Variants in ROBO2 observed in about 807,000 individuals in gnomAD.
ROBO2 encodes the protein roundabout guidance receptor 2.
A neutral mutation model predicts 160.8 loss-of-function variants in ROBO2; 53 were observed. The observed-to-expected ratio is 0.33, with a 90% CI of 0.26 to 0.41. The LOEUF (loss-of-function observed/expected upper bound fraction) is 0.41. ROBO2 is among the 10% of genes least tolerant of loss of function. ROBO2 has a pLI of 1.00. For missense variants in ROBO2, 1,577 were observed against 1,722.4 expected (o/e 0.92, Z 1.49); for synonymous variants, 664 against 611.7 (o/e 1.09, Z -1.26).
chr3:76,797,397 G>A (rs1402356285), intron 2 of ROBO2, among the ~76,000 whole-genome samples: 2 of 151,844 alleles, frequency 1.3e-5, no homozygotes, highest in Non-Finnish European at 2.9e-5. Flanking sequence ...CAAATGAAAT[G>A]GAAACACAAC....
intron 2 of ROBO2, among the ~76,000 whole-genome samples, chr3:76,143,658 C>A (rs1486652162): frequency 2.0e-5 from 3 of 151,996 alleles, no homozygotes; most frequent in Non-Finnish European, 4.4e-5. Context: ...TAAAACCACT[C>A]CCCAAATCTG....
In ROBO2 at chr3:76,890,449, C is replaced by T. The variant is rs145358623; in HGVS notation, c.110-207565C>T. Among the ~76,000 whole-genome samples, 3 of 152,210 alleles carry T rather than the reference C, an allele frequency of 2.0e-5. No homozygotes were observed. The East Asian group carries it at 5.8e-4, about 30-fold the overall frequency. ...ACTAGCATAAGTAGTTTCAAAGTGG[C>T]AATATCAAGGGTGTTCTACCTCTAC... On this transcript the variant is annotated intron_variant, in intron 2 of 26. Transcript: ENST00000487694.
At chr3:77,443,224 C>A (rs187926532) in intron 2 of ROBO2, among the ~76,000 whole-genome samples, 1 of 151,980 alleles carries the variant, frequency 6.6e-6, no homozygotes, top group East Asian at 1.9e-4. Context: ...TTTATAGAAC[C>A]ATTTTACACA....
At chr3:77,016,700 T>A (rs1461196455) in intron 2 of ROBO2, among the ~76,000 whole-genome samples, 1 of 152,196 alleles carries the variant, frequency 6.6e-6, no homozygotes, top group Non-Finnish European at 1.5e-5. Flanking sequence ...GTGAGGAACC[T>A]GCAGTTCACA....
intron 2 of ROBO2, among the ~76,000 whole-genome samples, chr3:76,778,035 C>T (rs1439802741): frequency 6.6e-6 from 1 of 151,034 alleles, no homozygotes; most frequent in Admixed American, 6.6e-5. Flanking sequence ...CCCTTGCACC[C>T]AGGCAGGCTT....
rs565370640 is a variant in ROBO2 at position 76,639,727 on chromosome 3, C to T, written c.110-458287C>T. On this transcript the variant is annotated intron_variant, in intron 2 of 26. Transcript: ENST00000487694. ...TCATCTCACACGAATACATGATGCT[C>T]TTCCGCTGACACTCCAACAGAAACC... Among the ~76,000 whole-genome samples the T allele has an allele frequency of 2.0e-5, 3 of 152,268 alleles. No individual in the cohort carries two copies. The South Asian group carries it at 6.2e-4, about 32-fold the overall frequency.
intron 2 of ROBO2, among the ~76,000 whole-genome samples, chr3:76,656,442 T>C (rs1321644403): frequency 6.6e-6 from 1 of 152,116 alleles, no homozygotes; most frequent in African/African-American, 2.4e-5. Flanking sequence ...ATCTTTTCTC[T>C]CAACAAGCAC....
At chr3:77,040,997 GT>G in intron 1 of ROBO2, 151 bp downstream of exon 1, 1 of 936,894 alleles carries the variant, frequency 1.1e-6, no homozygotes, top group Non-Finnish European at 1.6e-6. Context: ...GGGGGCAGAG[GT>G]TTTATTTAAG....
chr3:76,811,800 TC>T (rs2065185365), intron 2 of ROBO2, among the ~76,000 whole-genome samples: 2 of 56,136 alleles, frequency 3.6e-5, no homozygotes, highest in Non-Finnish European at 7.9e-5. Flanking sequence ...CTTCCTTCCT[TC>T]CTTCCTTCCT....
At chr3:77,014,979 G>A (rs373068987) in intron 2 of ROBO2, among the ~76,000 whole-genome samples, 12 of 151,874 alleles carry the variant, frequency 7.9e-5, no homozygotes, top group African/African-American at 2.9e-4. Context: ...ATGAACTTAG[G>A]TTTGAAGACA....
At chr3:75,931,773 T>C (rs1341831094) in intron 1 of ROBO2, among the ~76,000 whole-genome samples, 1 of 152,086 alleles carries the variant, frequency 6.6e-6, no homozygotes, top group African/African-American at 2.4e-5. Flanking sequence ...CTGCTTGACT[T>C]TGCATGTGAA....
At chr3:77,596,312 T>C (rs1389462645) in intron 18 of ROBO2, among the ~76,000 whole-genome samples, 1 of 152,150 alleles carries the variant, frequency 6.6e-6, no homozygotes, top group Non-Finnish European at 1.5e-5. Flanking sequence ...AGTTGTTCCC[T>C]TGTGGTGCCA....
At chr3:76,035,452 G>A (rs2067075222) in intron 2 of ROBO2, among the ~76,000 whole-genome samples, 1 of 151,858 alleles carries the variant, frequency 6.6e-6, no homozygotes, top group Non-Finnish European at 1.5e-5. Flanking sequence ...AAGACTGGAA[G>A]CATGATTAGA....
intron 2 of ROBO2, among the ~76,000 whole-genome samples, chr3:77,296,930 T>C (rs886935470): frequency 6.6e-6 from 1 of 152,100 alleles, no homozygotes; most frequent in Non-Finnish European, 1.5e-5. Flanking sequence ...GTGTGAAAAA[T>C]ATGGAAGTGT....
At chr3:76,078,884 C>T (rs2068728472) in intron 2 of ROBO2, among the ~76,000 whole-genome samples, 2 of 152,196 alleles carry the variant, frequency 1.3e-5, no homozygotes, top group South Asian at 2.1e-4. Context: ...TCTCCACATT[C>T]TCATCAACAT....
chr3:77,625,396 T>C (rs571669571), intron 23 of ROBO2, among the ~76,000 whole-genome samples: 2 of 152,024 alleles, frequency 1.3e-5, no homozygotes, highest in Non-Finnish European at 2.9e-5. Flanking sequence ...CTTTTTTTTT[T>C]TTGTCGGAGT....
intron 6 of ROBO2, among the ~76,000 whole-genome samples, 183 bp from the exon 7 acceptor site, chr3:77,527,220 T>C (rs1269459691): frequency 6.6e-6 from 1 of 151,560 alleles, no homozygotes; most frequent in East Asian, 1.9e-4. Flanking sequence ...TTCCTAGAAT[T>C]ATATTTATAA....
intron 2 of ROBO2, among the ~76,000 whole-genome samples, chr3:76,273,390 T>C (rs2107642668): frequency 6.6e-6 from 1 of 152,008 alleles, no homozygotes; most frequent in Admixed American, 6.6e-5. Context: ...TGTGCTACTG[T>C]AACAGAATAA....
intron 2 of ROBO2, among the ~76,000 whole-genome samples, chr3:76,871,269 C>T (rs2072025079): frequency 6.6e-6 from 1 of 152,072 alleles, no homozygotes; most frequent in African/African-American, 2.4e-5. Context: ...TGAAAAATAC[C>T]TCTGGCCGGG....
Sources: allele counts gnomAD v4.1 joint callset (sites outside exome capture counted in the v4.1 genomes callset), GRCh38; gene constraint gnomAD v4.1.1; transcripts MANE v1.5; gene names NCBI Gene and HGNC (gene_info 2026-07-23, HGNC 2026-07-21).